Variants in SIL1 observed in about 807,000 individuals in gnomAD.
SIL1 encodes the protein nucleotide exchange factor SIL1.
A neutral mutation model predicts 49.1 loss-of-function variants in SIL1; 40 were observed. That is an observed-to-expected ratio of 0.81 (90% CI 0.63 to 1.06). SIL1 has a LOEUF of 1.06. Among genes scored for constraint, SIL1 ranks in the 50% least tolerant of loss-of-function variants. SIL1 has a pLI of 0.00. For synonymous variants in SIL1, 253 were observed against 250.8 expected, an observed-to-expected ratio of 1.01 and a Z score of -0.08; for missense variants, 500 against 572.6, an observed-to-expected ratio of 0.87 and a Z score of 1.29.
At position 139,102,028 on chromosome 5, in the gene SIL1, C is replaced by T. The variant is rs183037447; in HGVS notation, c.244+19007G>A. ...TGGGTGAAAAGAATCAGAAAAGACA[C>T]GCACTTGGGTGTGAATCCTAAGAAC... On this transcript the variant is annotated intron_variant, in intron 3 of 9. Transcript: ENST00000394817. Among the ~76,000 whole-genome samples the T allele has an allele frequency of 2.6e-3, 402 of 152,268 alleles. 2 individuals are homozygous for T. Among genetic ancestry groups the T allele is most frequent in the Non-Finnish European group, 4.3e-3 (292 of 68,028 alleles).
At chr5:138,981,580 C>T (rs530339480) in intron 7 of SIL1, among the ~76,000 whole-genome samples, 1 of 152,336 alleles carries the variant, frequency 6.6e-6, no homozygotes, top group African/African-American at 2.4e-5. Flanking sequence ...GATACACATG[C>T]ACCAGGATAT....
intron 7 of SIL1, among the ~76,000 whole-genome samples, chr5:139,008,840 C>T (rs1054437836): frequency 5.9e-5 from 9 of 152,134 alleles, no homozygotes; most frequent in Admixed American, 2.6e-4. Context: ...TTTGTTATAA[C>T]TTCTGTTCTT....
At chr5:139,061,023 G>A (rs975604405) in intron 3 of SIL1, among the ~76,000 whole-genome samples, 1 of 152,144 alleles carries the variant, frequency 6.6e-6, no homozygotes, top group East Asian at 1.9e-4. Context: ...TGAATGGTGA[G>A]GGCTGTGAAA....
At chr5:139,021,097 T>C in intron 7 of SIL1, 74 bp downstream of exon 7, 3 of 1,600,100 alleles carry the variant, frequency 1.9e-6, no homozygotes, top group South Asian at 1.1e-5. Flanking sequence ...AACAGGCACA[T>C]TCAAGTGTAC....
At chr5:139,140,098 C>T (rs1410629500) in intron 1 of SIL1, among the ~76,000 whole-genome samples, 6 of 152,070 alleles carry the variant, frequency 3.9e-5, no homozygotes, top group African/African-American at 1.2e-4. Context: ...GGTGAAACCC[C>T]GTCTCTACTA....
intron 1 of SIL1, among the ~76,000 whole-genome samples, chr5:139,195,965 G>C (rs534867630): frequency 2.6e-5 from 4 of 152,222 alleles, no homozygotes; most frequent in Admixed American, 1.3e-4. Flanking sequence ...CAGAAGAATC[G>C]CTTGAGGCCA....
chr5:139,053,464 T>A (rs1477410494), intron 3 of SIL1, among the ~76,000 whole-genome samples: 1 of 152,274 alleles, frequency 6.6e-6, no homozygotes, highest in East Asian at 1.9e-4. Context: ...TTAAAGCGAA[T>A]GATTTTTCTT....
chr5:138,951,658 C>T (rs1178894310), intron 8 of SIL1, 130 bp downstream of exon 8: 2 of 904,814 alleles, frequency 2.2e-6, no homozygotes, highest in East Asian at 4.9e-5. Flanking sequence ...TGTAACTTCT[C>T]CCCCTGTGCC....
chr5:139,158,384 T>A (rs1751444770), intron 1 of SIL1, among the ~76,000 whole-genome samples: 1 of 152,206 alleles, frequency 6.6e-6, no homozygotes, highest in Non-Finnish European at 1.5e-5. Flanking sequence ...TCTAGAAAAT[T>A]TCTTCCATTC....
chr5:139,008,983 T>C (rs925127700), intron 7 of SIL1, among the ~76,000 whole-genome samples: 1 of 151,258 alleles, frequency 6.6e-6, no homozygotes, highest in African/African-American at 2.4e-5. Context: ...TAGGTCCGTT[T>C]GGTGCAGAGC....
intron 1 of SIL1, among the ~76,000 whole-genome samples, chr5:139,174,467 T>G (rs1216145713): frequency 6.6e-6 from 1 of 151,148 alleles, no homozygotes; most frequent in East Asian, 2.0e-4. Flanking sequence ...GGCAACAGGG[T>G]GAGACCCTGT....
At chr5:139,175,046 G>A (rs1310734322) in intron 1 of SIL1, among the ~76,000 whole-genome samples, 1 of 151,770 alleles carries the variant, frequency 6.6e-6, no homozygotes, top group East Asian at 1.9e-4. Flanking sequence ...ACTAGGCCAG[G>A]CGCAGTGGCT....
intron 7 of SIL1, among the ~76,000 whole-genome samples, chr5:138,973,625 A>G (rs62381207): frequency 6.6e-6 from 1 of 151,744 alleles, no homozygotes; most frequent in African/African-American, 2.4e-5. Context: ...GCACCTGACT[A>G]AATTTTTTTT....
At chr5:139,174,288 A>G (rs1751835093) in intron 1 of SIL1, among the ~76,000 whole-genome samples, 1 of 151,910 alleles carries the variant, frequency 6.6e-6, no homozygotes, top group Non-Finnish European at 1.5e-5. Flanking sequence ...CTTAAGCACA[A>G]GAGTTCAAGA....
chr5:139,035,053 C>G, intron 5 of SIL1: 1 of 186,320 alleles, frequency 5.4e-6, no homozygotes, highest in Admixed American at 6.1e-5. Flanking sequence ...GATTGTTGCC[C>G]ACATGTATGT....
chr5:139,049,582 A>T (rs1043309964), intron 4 of SIL1, among the ~76,000 whole-genome samples: 2 of 152,136 alleles, frequency 1.3e-5, no homozygotes, highest in Non-Finnish European at 2.9e-5. Flanking sequence ...TGAGTCCAGG[A>T]GTTTAAGACC....
chr5:139,034,287 G>A (rs1244133351), intron 5 of SIL1: 3 of 151,742 alleles, frequency 2.0e-5, no homozygotes, highest in African/African-American at 4.8e-5. Context: ...GGTATATTTA[G>A]ACCAATTATA....
intron 3 of SIL1, among the ~76,000 whole-genome samples, chr5:139,090,154 T>G (rs1770311480): frequency 6.6e-6 from 1 of 152,112 alleles, no homozygotes; most frequent in African/African-American, 2.4e-5. Flanking sequence ...CCACTGATGC[T>G]TCTCACTCCT....
intron 7 of SIL1, among the ~76,000 whole-genome samples, chr5:139,003,600 G>A (rs1156602437): frequency 6.6e-6 from 1 of 152,176 alleles, no homozygotes. Context: ...TCCTCACACT[G>A]TCAAGACAGA....
Sources: allele counts gnomAD v4.1 joint callset (sites outside exome capture counted in the v4.1 genomes callset), GRCh38; gene constraint gnomAD v4.1.1; transcripts MANE v1.5; gene names NCBI Gene and HGNC (gene_info 2026-07-23, HGNC 2026-07-21).